Variants in RBFOX3 observed in about 807,000 individuals in gnomAD.
RBFOX3 encodes RNA binding protein fox-1 homolog 3.
RBFOX3 carries 17 observed loss-of-function variants against 48.7 expected under a neutral mutation model. The observed-to-expected ratio is 0.35, with a 90% CI of 0.24 to 0.52. RBFOX3 has a LOEUF of 0.52. RBFOX3 is among the 20% of genes least tolerant of loss of function. The pLI is 0.94. For synonymous variants in RBFOX3, 212 were observed against 209.5 expected (o/e 1.01, Z -0.10); for missense variants, 382 against 497.5 (o/e 0.77, Z 2.21).
At chr17:79,572,649 A>G (rs2092717118) in intron 1 of RBFOX3, among the ~76,000 whole-genome samples, 1 of 152,152 alleles carries the variant, frequency 6.6e-6, no homozygotes, top group Non-Finnish European at 1.5e-5. Flanking sequence ...CCACAGTCTT[A>G]AGTATTTATT....
intron 1 of RBFOX3, among the ~76,000 whole-genome samples, chr17:79,518,451 G>A (rs1189517080): frequency 6.6e-6 from 1 of 152,238 alleles, no homozygotes; most frequent in African/African-American, 2.4e-5. Flanking sequence ...CCTCCGGGTC[G>A]GATGGTGCTG....
At position 79,199,245 on chromosome 17, in the gene RBFOX3, C is replaced by T. The variant is rs554319602; in HGVS notation, c.-34+36521G>A. Among the ~76,000 whole-genome samples the T allele has an allele frequency of 9.2e-5, 14 of 152,260 alleles. No homozygotes were observed. Among genetic ancestry groups the T allele is most frequent in the Admixed American group, 7.2e-4 (11 of 15,300 alleles). ...GGGCCTTTCGAAAAGACCTCCCTAG[C>T]CCCCCACCCTCGGCAGCACCACCCA... On this transcript the variant is annotated intron_variant, in intron 4 of 14. Transcript: ENST00000693108. The surrounding 1 kb of genome is among the most constrained non-coding windows in gnomAD (Gnocchi z 5.1).
intron 4 of RBFOX3, among the ~76,000 whole-genome samples, chr17:79,148,413 T>C (rs962255393): frequency 5.3e-5 from 8 of 152,132 alleles, no homozygotes; most frequent in Admixed American, 4.6e-4. Context: ...GTGACAGAAG[T>C]TGGGGGGTGG....
chr17:79,342,089 C>G (rs1322506679), intron 2 of RBFOX3, among the ~76,000 whole-genome samples: 1 of 152,250 alleles, frequency 6.6e-6, no homozygotes, highest in Non-Finnish European at 1.5e-5. Flanking sequence ...CGATAAAAGC[C>G]ATGTGCTTCC....
At chr17:79,374,381 A>G (rs1345099988) in intron 2 of RBFOX3, among the ~76,000 whole-genome samples, 3 of 152,240 alleles carry the variant, frequency 2.0e-5, no homozygotes, top group African/African-American at 7.2e-5. Flanking sequence ...GTGTCCAGGT[A>G]GAACAAGGCT....
intron 2 of RBFOX3, among the ~76,000 whole-genome samples, chr17:79,431,472 C>A (rs1033381582): frequency 1.3e-5 from 2 of 148,552 alleles, no homozygotes; most frequent in South Asian, 2.2e-4. Context: ...CCCCACCCCC[C>A]ACCATGCCTG....
chr17:79,381,259 CAAA>C (rs35928942), intron 2 of RBFOX3, among the ~76,000 whole-genome samples: 87,931 of 146,608 alleles, frequency 0.6, 26,148 homozygotes, highest in Middle Eastern at 0.73. Context: ...GACTCTGTCT[CAAA>C]AAAAAAAAAA....
At chr17:79,093,708 G>C (rs375301994) in intron 14 of RBFOX3, among the ~76,000 whole-genome samples, 3 of 151,496 alleles carry the variant, frequency 2.0e-5, no homozygotes, top group African/African-American at 7.3e-5. Context: ...CCCGGGGCTG[G>C]GGCCAGTGGG....
rs556834696 is a variant in RBFOX3 at position 79,460,785 on chromosome 17, C to T, written c.-175+21669G>A. 1.1e-4 allele frequency among the ~76,000 whole-genome samples: 16 copies of T among 152,300 alleles called. No individual in the cohort carries two copies. The East Asian group carries it at 2.9e-3, about 28-fold the overall frequency. On this transcript the variant is annotated intron_variant, in intron 2 of 14. Transcript: ENST00000693108. ...CATGCTCTTTTGCCCTTCCACTTTC[C>T]ACCGTGGGAGGATGCAGACCTGCAC...
At chr17:79,115,053 GGCA>G (rs2033455370) in intron 5 of RBFOX3, among the ~76,000 whole-genome samples, 1 of 152,224 alleles carries the variant, frequency 6.6e-6, no homozygotes, top group African/African-American at 2.4e-5. Context: ...TGCAACCCGA[GGCA>G]GCTCGGAGGG....
In RBFOX3 at chr17:79,579,084, G is replaced by A. The variant is rs941270770; in HGVS notation, c.-320+31742C>T. Among the ~76,000 whole-genome samples, 129 of 152,334 alleles carry A rather than the reference G, an allele frequency of 8.5e-4. 4 individuals carry two copies. In the South Asian group the frequency reaches 0.018, roughly 22 times the overall value. Reference sequence around the variant, plus strand: ...TTCCCTCTTCCCTTCTGAACAGGACGGGCCTTTGTGCTGTTTTCTTCCTGC... The same window carrying A: ...TTCCCTCTTCCCTTCTGAACAGGACAGGCCTTTGTGCTGTTTTCTTCCTGC... On this transcript the variant is annotated intron_variant, in intron 1 of 14. Coordinates refer to ENST00000693108, the MANE Select transcript of RBFOX3 (RefSeq NM_001350451.2).
chr17:79,269,726 T>A (rs1350537050), intron 3 of RBFOX3, among the ~76,000 whole-genome samples: 4 of 151,176 alleles, frequency 2.6e-5, no homozygotes, highest in Non-Finnish European at 5.9e-5. Flanking sequence ...CTCCCTTGTC[T>A]GTCACTGTCC....
chr17:79,434,955 G>T (rs1555730273), intron 2 of RBFOX3, among the ~76,000 whole-genome samples: 1 of 152,158 alleles, frequency 6.6e-6, no homozygotes, highest in African/African-American at 2.4e-5. Context: ...GAAAATGCAA[G>T]TTCTAAGTAA....
intron 1 of RBFOX3, among the ~76,000 whole-genome samples, chr17:79,594,006 G>T (rs2093497632): frequency 6.6e-6 from 1 of 152,136 alleles, no homozygotes; most frequent in African/African-American, 2.4e-5. Flanking sequence ...GCTGTTTTTA[G>T]GTTCAAGGGG....
intron 1 of RBFOX3, among the ~76,000 whole-genome samples, chr17:79,580,224 C>T (rs1286337408): frequency 6.6e-6 from 1 of 151,014 alleles, no homozygotes; most frequent in African/African-American, 2.4e-5. Flanking sequence ...CCAGTCCCAC[C>T]ATCATTATCA....
At chr17:79,498,048 C>G (rs1053237317) in intron 1 of RBFOX3, among the ~76,000 whole-genome samples, 5 of 152,204 alleles carry the variant, frequency 3.3e-5, no homozygotes, top group African/African-American at 1.2e-4. Context: ...AGGAGAGGAG[C>G]AGAATGGAGA....
At chr17:79,584,777 T>A (rs1318797155) in intron 1 of RBFOX3, among the ~76,000 whole-genome samples, 6 of 152,048 alleles carry the variant, frequency 3.9e-5, no homozygotes, top group African/African-American at 1.4e-4. Context: ...TTATTTATTT[T>A]TTTTTTGAGA....
chr17:79,096,877 A>G, intron 11 of RBFOX3, 44 bp from the exon 12 acceptor site: 1 of 630,138 alleles, frequency 1.6e-6, no homozygotes, highest in Non-Finnish European at 2.8e-6. Context: ...CTGATCAGCA[A>G]CTTTCTCCCA....
At chr17:79,543,266 C>T (rs1297450659) in intron 1 of RBFOX3, among the ~76,000 whole-genome samples, 1 of 152,150 alleles carries the variant, frequency 6.6e-6, no homozygotes, top group Non-Finnish European at 1.5e-5. Context: ...GAGCAAAGGA[C>T]GTTACAGGTG....
Sources: allele counts gnomAD v4.1 joint callset (sites outside exome capture counted in the v4.1 genomes callset), GRCh38; gene constraint gnomAD v4.1.1; non-coding constraint Gnocchi (gnomAD v3.1); transcripts MANE v1.5; gene names NCBI Gene and HGNC (gene_info 2026-07-23, HGNC 2026-07-21).